The following ARMC9 variants were observed in gnomAD, a reference collection of about 807,000 sequenced individuals.
The protein encoded by ARMC9 is lisH domain-containing protein ARMC9.
In ARMC9, 94 loss-of-function variants were observed where a neutral mutation model predicts 107.0. The observed-to-expected ratio is 0.88, with a 90% CI of 0.74 to 1.04. ARMC9 has a LOEUF of 1.04. ARMC9 is among the 50% of genes least tolerant of loss of function. The pLI is 0.00. For missense variants in ARMC9, 942 were observed against 1,030.1 expected, an observed-to-expected ratio of 0.91 and a Z score of 1.17; for synonymous variants, 380 against 396.9, an observed-to-expected ratio of 0.96 and a Z score of 0.51.
chr2:231,282,030 A>G (rs371307517), intron 16 of ARMC9, 29 bp from the exon 17 acceptor site: 2 of 1,607,988 alleles, frequency 1.2e-6, no homozygotes, highest in Admixed American at 1.7e-5. Context: ...AAAACTTGCA[A>G]ATAACTGGTT....
At chr2:231,291,468 A>G in intron 18 of ARMC9, 25 bp downstream of exon 18, 1 of 1,598,970 alleles carries the variant, frequency 6.3e-7, no homozygotes, top group Non-Finnish European at 8.6e-7. Context: ...AGAATCTTTG[A>G]TCTATCTTTT....
Position 231,278,423 on chromosome 2 carries a change from G to A in ARMC9, c.1516G>A (p.Val506Ile). 1 of 1,614,142 alleles carries A rather than the reference G, an allele frequency of 6.2e-7. No individual in the cohort carries two copies. Among genetic ancestry groups the A allele is most frequent in the Non-Finnish European group, 8.5e-7 (1 of 1,180,030 alleles). ...CAKVAGLVLK[V>I]LSDLLGHENH... ...CAAGGTGGCAGGCCTCGTGCTCAAA[G>A]TCCTTTCGGATCTTCTTGGCCATGA... Residue 506 changes from valine (V) to isoleucine (I), a missense_variant, in exon 16 of 25, where the codon GTC becomes ATC. Transcript: ENST00000611582.
chr2:231,214,989 T>C lies in ARMC9; in HGVS notation c.336T>C (p.Ser112=). 1.2e-6 allele frequency: 2 copies of C among 1,614,122 alleles called. No individual in the cohort carries two copies. The highest frequency in any genetic ancestry group is 2.2e-5 in the East Asian group (1 of 44,880). ...IHFAIYLLKY[S]VGRPDKEELD... The stretch of plus-strand genomic sequence containing the variant: ...TTGCCATCTATCTTTTGAAGTACTC[T>C]GTGGGGAGACCGGTGGGTTTACCTG... Residue 112 remains serine, a synonymous_variant, in exon 4 of 25, where the codon TCT becomes TCC. Coordinates refer to ENST00000611582, the MANE Select transcript of ARMC9 (RefSeq NM_001352754.2).
chr2:231,361,434 CA>C (rs775553119), intron 23 of ARMC9, among the ~76,000 whole-genome samples: 1,624 of 38,020 alleles, frequency 0.043, 6 homozygotes, highest in African/African-American at 0.095. Flanking sequence ...GACCCTGTCT[CA>C]AAAAAAAAAA....
intron 9 of ARMC9, among the ~76,000 whole-genome samples, chr2:231,242,140 A>T (rs1201342830): frequency 1.3e-5 from 2 of 151,834 alleles, no homozygotes; most frequent in African/African-American, 4.9e-5. Context: ...TTTAAAAACA[A>T]GTTCAAATGC....
chr2:231,230,228 C>T (rs1002119420), intron 7 of ARMC9, among the ~76,000 whole-genome samples: 17 of 151,670 alleles, frequency 1.1e-4, no homozygotes, highest in African/African-American at 3.4e-4. Flanking sequence ...CCGAGCGTGG[C>T]GACGTACATC....
intron 17 of ARMC9, among the ~76,000 whole-genome samples, chr2:231,282,946 T>C (rs1185267153): frequency 1.3e-5 from 2 of 152,072 alleles, no homozygotes; most frequent in Non-Finnish European, 2.9e-5. Context: ...AGAAAGGGGT[T>C]GTCAACCAAG....
intron 19 of ARMC9, 36 bp downstream of exon 19, chr2:231,296,289 C>G (rs1314536547): frequency 3.3e-6 from 5 of 1,535,144 alleles, no homozygotes; most frequent in East Asian, 4.5e-5. Flanking sequence ...ATAGAAAACC[C>G]ATACCAAACT....
At chr2:231,317,176 C>CT (rs957991111) in intron 19 of ARMC9, among the ~76,000 whole-genome samples, 304 of 145,902 alleles carry the variant, frequency 2.1e-3, no homozygotes, top group Admixed American at 4.1e-3. Flanking sequence ...GTTCATGGAA[C>CT]TTTTTTTTTT....
At chr2:231,222,627 C>T in intron 5 of ARMC9, 101 bp from the exon 6 acceptor site, 1 of 604,618 alleles carries the variant, frequency 1.7e-6, no homozygotes. Flanking sequence ...GTTTTGGTTT[C>T]AATCACTGTG....
rs1427927439 is a variant in ARMC9, at chr2:231,222,765, A to C, written c.542A>C (p.Lys181Thr). The change falls in exon 6 of 25, where the codon AAG (lysine) becomes ACG (threonine). Residue 181 changes from lysine (K) to threonine (T), a missense_variant. Coordinates refer to ENST00000611582, the MANE Select transcript of ARMC9 (RefSeq NM_001352754.2). ...CCAGAGTTAAAGTTGAAGTTGATAAAGTTTCTAGCTTTAATATCTAAAGCC... is the reference window on the plus strand; with the variant it reads ...CCAGAGTTAAAGTTGAAGTTGATAACGTTTCTAGCTTTAATATCTAAAGCC... The part of the protein sequence containing the change: ...WTPELKLKLI[K>T]FLALISKASN... The C allele has an allele frequency of 2.5e-6, 4 of 1,593,670 alleles. No homozygotes were observed. The Admixed American group carries it at 6.7e-5, about 27-fold the overall frequency.
intron 19 of ARMC9, 150 bp from the exon 20 acceptor site, chr2:231,331,643 G>T: frequency 1.6e-6 from 1 of 637,338 alleles, no homozygotes; most frequent in South Asian, 1.9e-5. Flanking sequence ...GAGGCAGACT[G>T]CCCCTGAGCC....
chr2:231,211,156 ACACCCC>A (rs529277782), intron 3 of ARMC9, among the ~76,000 whole-genome samples: 29 of 150,340 alleles, frequency 1.9e-4, no homozygotes, highest in Non-Finnish European at 3.5e-4. Context: ...ACACACACAC[ACACCCC>A]CACAGTTTAT....
At chr2:231,281,022 A>G (rs1415369529) in intron 16 of ARMC9, among the ~76,000 whole-genome samples, 1 of 152,200 alleles carries the variant, frequency 6.6e-6, no homozygotes, top group Non-Finnish European at 1.5e-5. Context: ...TTGCTGTGGC[A>G]GGCACAGCGT....
At chr2:231,238,397 T>C (rs963229946) in intron 8 of ARMC9, among the ~76,000 whole-genome samples, 1 of 152,244 alleles carries the variant, frequency 6.6e-6, no homozygotes, top group African/African-American at 2.4e-5. Flanking sequence ...GTTGTCTAGC[T>C]GGAGTGCAGT....
intron 21 of ARMC9, among the ~76,000 whole-genome samples, chr2:231,353,914 G>A (rs2125589458): frequency 6.6e-6 from 1 of 151,652 alleles, no homozygotes; most frequent in South Asian, 2.1e-4. Context: ...GGAGAGGGAG[G>A]TAGGGGACAT....
chr2:231,298,084 T>A (rs1037266786), intron 19 of ARMC9, among the ~76,000 whole-genome samples: 8 of 152,280 alleles, frequency 5.3e-5, no homozygotes, highest in Non-Finnish European at 1.2e-4. Context: ...AGAAGTCTTA[T>A]AATTTTCTGG....
At chr2:231,278,522 A>AC in intron 16 of ARMC9, 64 bp downstream of exon 16, 1 of 1,397,404 alleles carries the variant, frequency 7.2e-7, no homozygotes, top group East Asian at 2.3e-5. Flanking sequence ...AATGCCTGTG[A>AC]CCCCACAGGC....
chr2:231,345,757 A>C lies in ARMC9; in HGVS notation c.1994+667A>C, dbSNP rs1419677245. 2.0e-5 allele frequency among the ~76,000 whole-genome samples: 3 copies of C among 152,354 alleles called. No homozygotes were observed. In the East Asian group the frequency reaches 5.8e-4, roughly 29 times the overall value. ...ATTACAGCAAAATATTACAGAGAGCAGGCTAAAAACCTCCATATATTCATT... is the reference window on the plus strand; with the variant it reads ...ATTACAGCAAAATATTACAGAGAGCCGGCTAAAAACCTCCATATATTCATT... On this transcript the variant is annotated intron_variant, in intron 21 of 24. Coordinates refer to ENST00000611582, the MANE Select transcript of ARMC9 (RefSeq NM_001352754.2).
Sources: allele counts gnomAD v4.1 joint callset (sites outside exome capture counted in the v4.1 genomes callset), GRCh38; gene constraint gnomAD v4.1.1; transcripts MANE v1.5; gene names NCBI Gene and HGNC (gene_info 2026-07-23, HGNC 2026-07-21).